Variants in CFAP90 observed in about 807,000 individuals in gnomAD.
CFAP90 encodes cilia and flagella associated protein 90, also known as cilia- and flagella-associated protein 90.
At chr5:7,835,606 T>C in the CFAP90 span, 1 of 668,562 alleles carries the variant, frequency 1.5e-6, no homozygotes, top group Non-Finnish European at 2.6e-6. Context: ...TGGAGGTGCA[T>C]GTGGTGAGTA....
At chr5:7,849,833 C>G in the CFAP90 span, among the ~76,000 whole-genome samples, 1 of 152,074 alleles carries the variant, frequency 6.6e-6, no homozygotes, top group Non-Finnish European at 1.5e-5. Context: ...GAGGGTTTCC[C>G]GCGCCCTGGA....
At chr5:7,840,238 G>A in the CFAP90 span, among the ~76,000 whole-genome samples, 1 of 152,172 alleles carries the variant, frequency 6.6e-6, no homozygotes, top group East Asian at 1.9e-4. Context: ...CATGGTGCTT[G>A]ATCACCTACC....
At chr5:7,845,524 C>G in the CFAP90 span, among the ~76,000 whole-genome samples, 1 of 152,170 alleles carries the variant, frequency 6.6e-6, no homozygotes, top group Non-Finnish European at 1.5e-5. Flanking sequence ...TGAGGGAAAG[C>G]GGATTCTAAA....
the CFAP90 span, among the ~76,000 whole-genome samples, chr5:7,840,005 C>T: frequency 3.3e-5 from 5 of 151,626 alleles, no homozygotes; most frequent in African/African-American, 1.2e-4. Context: ...TGGCTTGAAG[C>T]AAGATGATAC....
the CFAP90 span, among the ~76,000 whole-genome samples, chr5:7,833,466 GCA>G: frequency 2.0e-5 from 3 of 149,744 alleles, no homozygotes; most frequent in Admixed American, 6.6e-5. Context: ...ACACACACAT[GCA>G]CACACATATA....
At chr5:7,835,361 A>C in the CFAP90 span, 2 of 1,334,876 alleles carry the variant, frequency 1.5e-6, no homozygotes, top group Non-Finnish European at 2.1e-6. Context: ...ACAACTTGTT[A>C]ATATTCTGTC....
chr5:7,846,279 C>A, the CFAP90 span, among the ~76,000 whole-genome samples: 1 of 152,142 alleles, frequency 6.6e-6, no homozygotes, highest in African/African-American at 2.4e-5. Context: ...AGTACACACA[C>A]TACTGTGTGT....
the CFAP90 span, among the ~76,000 whole-genome samples, chr5:7,843,273 T>G: frequency 6.6e-6 from 1 of 152,312 alleles, no homozygotes; most frequent in African/African-American, 2.4e-5. Context: ...TTAACAGCAT[T>G]CAAAATTCTG....
chr5:7,832,257 G>A, the CFAP90 span, among the ~76,000 whole-genome samples: 1 of 152,050 alleles, frequency 6.6e-6, no homozygotes, highest in Admixed American at 6.5e-5. Context: ...TGGACATGTT[G>A]GGAAACTGTG....
At chr5:7,832,670 T>C in the CFAP90 span, among the ~76,000 whole-genome samples, 1 of 152,114 alleles carries the variant, frequency 6.6e-6, no homozygotes, top group Non-Finnish European at 1.5e-5. Flanking sequence ...GTATTTTTAG[T>C]AGAGACAGGG....
At chr5:7,844,362 T>C in the CFAP90 span, among the ~76,000 whole-genome samples, 3 of 152,234 alleles carry the variant, frequency 2.0e-5, no homozygotes. Flanking sequence ...AAGCAAATTT[T>C]GTAAGTCGGT....
At chr5:7,838,927 A>G in the CFAP90 span, among the ~76,000 whole-genome samples, 1 of 152,026 alleles carries the variant, frequency 6.6e-6, no homozygotes, top group East Asian at 1.9e-4. Context: ...ACCCTCACCC[A>G]GTGTATTAGT....
the CFAP90 span, among the ~76,000 whole-genome samples, chr5:7,841,586 C>T: frequency 6.6e-6 from 1 of 152,086 alleles, no homozygotes; most frequent in Non-Finnish European, 1.5e-5. Flanking sequence ...AAATGCCCAT[C>T]AATGATAGAC....
At chr5:7,832,323 T>C in the CFAP90 span, among the ~76,000 whole-genome samples, 1 of 152,136 alleles carries the variant, frequency 6.6e-6, no homozygotes, top group Admixed American at 6.5e-5. Context: ...ATTTCCCAGC[T>C]CCTGCTGCTG....
At chr5:7,844,447 G>A in the CFAP90 span, among the ~76,000 whole-genome samples, 1 of 152,172 alleles carries the variant, frequency 6.6e-6, no homozygotes, top group Non-Finnish European at 1.5e-5. Context: ...GGTATTTATG[G>A]AGTTCCAACT....
the CFAP90 span, chr5:7,831,816 G>T: frequency 1.3e-6 from 2 of 1,588,726 alleles, no homozygotes; most frequent in Non-Finnish European, 1.7e-6. Context: ...AGGCCACAGG[G>T]TATCGGACAT....
At chr5:7,831,861 C>T in the CFAP90 span, 1 of 1,612,588 alleles carries the variant, frequency 6.2e-7, no homozygotes, top group Admixed American at 1.7e-5. Context: ...CAGGATGGAG[C>T]AATGTGCCCA....
At chr5:7,832,001 G>A in the CFAP90 span, 28 of 1,611,876 alleles carry the variant, frequency 1.7e-5, no homozygotes, top group South Asian at 2.0e-4. Flanking sequence ...GACAGAAGAC[G>A]TCAGCACTCC....
the CFAP90 span, among the ~76,000 whole-genome samples, chr5:7,850,334 C>A: frequency 6.6e-6 from 1 of 151,760 alleles, no homozygotes; most frequent in African/African-American, 2.4e-5. Context: ...TCGGAACCCA[C>A]CCCTGGTAGT....
Sources: allele counts gnomAD v4.1 joint callset (sites outside exome capture counted in the v4.1 genomes callset), GRCh38; gene constraint gnomAD v4.1.1; transcripts MANE v1.5; gene names NCBI Gene and HGNC (gene_info 2026-07-23, HGNC 2026-07-21).